The following SEMA3A variants were observed in gnomAD, a reference collection of about 807,000 sequenced individuals.
SEMA3A encodes the protein semaphorin 3A.
In SEMA3A, 29 loss-of-function variants were observed where a neutral mutation model predicts 97.9. That is an observed-to-expected ratio of 0.30 (90% CI 0.22 to 0.40). The LOEUF is 0.40. SEMA3A is among the 10% of genes least tolerant of loss of function. The probability of loss-of-function intolerance (pLI) is 1.00; values close to 1 mark genes in which losing one functional copy is unlikely to be tolerated. For synonymous variants in SEMA3A, 321 were observed against 323.7 expected, an observed-to-expected ratio of 0.99 and a Z score of 0.09; for missense variants, 763 against 951.3, an observed-to-expected ratio of 0.80 and a Z score of 2.60.
chr7:84,427,337 T>C (rs939389831), intron 1 of SEMA3A, among the ~76,000 whole-genome samples: 2 of 152,088 alleles, frequency 1.3e-5, no homozygotes, highest in Non-Finnish European at 2.9e-5. Flanking sequence ...AAATGCTTGG[T>C]TGTTAAAACT....
At chr7:84,323,374 T>G (rs2115918493) in intron 2 of SEMA3A, among the ~76,000 whole-genome samples, 1 of 152,244 alleles carries the variant, frequency 6.6e-6, no homozygotes, top group African/African-American at 2.4e-5. Flanking sequence ...TACATGTTTT[T>G]TGTCACTAAT....
chr7:84,288,734 C>T (rs577974351), intron 3 of SEMA3A, among the ~76,000 whole-genome samples: 1 of 151,938 alleles, frequency 6.6e-6, no homozygotes, highest in African/African-American at 2.4e-5. Context: ...CAAAAAAAAC[C>T]ATGCCAGTGT....
At chr7:84,047,458 G>A (rs1792400477) in intron 5 of SEMA3A, among the ~76,000 whole-genome samples, 1 of 151,950 alleles carries the variant, frequency 6.6e-6, no homozygotes, top group Admixed American at 6.6e-5. Context: ...GGCAACTCAA[G>A]GTGAAGGTTC....
intron 4 of SEMA3A, among the ~76,000 whole-genome samples, chr7:84,068,443 G>GA (rs150783127): frequency 0.066 from 9,788 of 147,770 alleles, 1,107 homozygotes; most frequent in African/African-American, 0.23. Flanking sequence ...AAAAAAACTG[G>GA]AAAAAACAAA....
Position 84,358,928 on chromosome 7 carries a change from G to T in SEMA3A, c.-169+12896C>A, listed in dbSNP as rs62472601. Among the ~76,000 whole-genome samples the T allele has an allele frequency of 4.3e-3, 652 of 151,714 alleles. 6 individuals are homozygous for T. The highest frequency in any genetic ancestry group is 0.015 in the African/African-American group (609 of 41,348). ...TGAATGGGAGTTCACTCATGATTTG[G>T]CTGTTTGTCTGTTATTGGTGTATAA... On this transcript the variant is annotated intron_variant, in intron 2 of 3. Transcript: ENST00000424555.
intron 3 of SEMA3A, among the ~76,000 whole-genome samples, chr7:84,253,640 G>T (rs1163618154): frequency 1.3e-5 from 2 of 152,084 alleles, no homozygotes; most frequent in Admixed American, 6.6e-5. Flanking sequence ...TCATCTGATG[G>T]TTAATACTTT....
chr7:84,436,296 A>C (rs186436649), intron 1 of SEMA3A, among the ~76,000 whole-genome samples: 54 of 152,328 alleles, frequency 3.5e-4, no homozygotes, highest in African/African-American at 1.3e-3. Context: ...CTAAGTCCTC[A>C]AAAGTAATTC....
chr7:84,469,951 A>C (rs527532717), intron 1 of SEMA3A, among the ~76,000 whole-genome samples: 1 of 151,916 alleles, frequency 6.6e-6, no homozygotes, highest in African/African-American at 2.4e-5. Context: ...AATATGAAAT[A>C]ATGGTTATGT....
At chr7:84,270,672 AAT>A (rs1300552771) in intron 3 of SEMA3A, among the ~76,000 whole-genome samples, 1 of 148,434 alleles carries the variant, frequency 6.7e-6, no homozygotes, top group African/African-American at 2.5e-5. Flanking sequence ...TATATATATG[AAT>A]ATATATAGAT....
intron 4 of SEMA3A, among the ~76,000 whole-genome samples, chr7:84,078,862 T>C (rs1423284508): frequency 3.9e-5 from 6 of 152,150 alleles, no homozygotes; most frequent in African/African-American, 1.4e-4. Flanking sequence ...TGTTGAACTG[T>C]AGGGATATAT....
intron 3 of SEMA3A, among the ~76,000 whole-genome samples, chr7:84,279,388 C>T (rs1032435971): frequency 6.6e-6 from 1 of 151,978 alleles, no homozygotes. Flanking sequence ...GTAGATACAA[C>T]CTTGGAGAAA....
At chr7:84,147,375 G>A (rs1796493595) in intron 1 of SEMA3A, among the ~76,000 whole-genome samples, 1 of 152,124 alleles carries the variant, frequency 6.6e-6, no homozygotes, top group Non-Finnish European at 1.5e-5. Context: ...TACATTTTGG[G>A]GAGGAAAAAA....
At chr7:83,969,150 T>C (rs1788827801) in intron 15 of SEMA3A, among the ~76,000 whole-genome samples, 1 of 152,172 alleles carries the variant, frequency 6.6e-6, no homozygotes, top group Non-Finnish European at 1.5e-5. Flanking sequence ...AATATACTTG[T>C]ACAAAAGTCT....
chr7:83,962,057 G>C (rs530966977), intron 16 of SEMA3A, among the ~76,000 whole-genome samples: 1 of 152,066 alleles, frequency 6.6e-6, no homozygotes, highest in East Asian at 1.9e-4. Context: ...TGTTTTAATA[G>C]AATTTCTTAT....
intron 12 of SEMA3A, among the ~76,000 whole-genome samples, chr7:83,997,744 C>CTT (rs745309176): frequency 6.3e-5 from 9 of 142,870 alleles, no homozygotes; most frequent in African/African-American, 1.5e-4. Context: ...TGAAATTTTT[C>CTT]TTTTTTTTTT....
intron 1 of SEMA3A, among the ~76,000 whole-genome samples, chr7:84,403,964 G>A (rs565611203): frequency 3.9e-5 from 6 of 152,220 alleles, no homozygotes; most frequent in South Asian, 2.1e-4. Context: ...CAGAAAAACC[G>A]GAAACTCTAA....
At chr7:84,016,258 G>A (rs1428754054) in intron 6 of SEMA3A, among the ~76,000 whole-genome samples, 1 of 152,058 alleles carries the variant, frequency 6.6e-6, no homozygotes, top group Admixed American at 6.6e-5. Context: ...ACAGAAACCT[G>A]GCCGGGCACG....
intron 1 of SEMA3A, among the ~76,000 whole-genome samples, chr7:84,144,398 A>C (rs1796405597): frequency 6.6e-6 from 1 of 152,066 alleles, no homozygotes; most frequent in African/African-American, 2.4e-5. Flanking sequence ...CAAACTAAGT[A>C]ATAATAAAAT....
intron 6 of SEMA3A, among the ~76,000 whole-genome samples, chr7:84,032,201 A>T (rs1791785626): frequency 6.6e-6 from 1 of 152,154 alleles, no homozygotes; most frequent in Non-Finnish European, 1.5e-5. Flanking sequence ...ATTAGTCCCT[A>T]GGGGTCTAGT....
Sources: gnomAD v4.1 joint callset for allele counts (sites outside exome capture counted in the v4.1 genomes callset) on GRCh38, gnomAD v4.1.1 for gene constraint, MANE v1.5 for transcripts, NCBI Gene and HGNC (gene_info 2026-07-23, HGNC 2026-07-21) for gene names.